Variants in SFXN5 observed in about 807,000 individuals in gnomAD.
SFXN5 encodes the protein sideroflexin-5.
SFXN5 carries 43 observed loss-of-function variants against 50.2 expected under a neutral mutation model. The ratio of observed to expected loss-of-function variants is 0.86; its 90% confidence interval spans 0.67 to 1.11. SFXN5 has a LOEUF of 1.11. Among genes scored for constraint, SFXN5 ranks in the 50% least tolerant of loss-of-function variants. The pLI, the probability that SFXN5 is intolerant of heterozygous loss-of-function variation, is 0.00. For missense variants in SFXN5, 463 were observed against 454.1 expected (o/e 1.02, Z -0.18); for synonymous variants, 203 against 185.8 (o/e 1.09, Z -0.75).
Position 73,040,868 on chromosome 2 carries a change from C to A in SFXN5, c.235G>T (p.Val79Phe). The part of the protein sequence containing the change: ...DYKHGTLRPG[V>F]TNEQLWSAQK... ...CACAGAGTTACCTGTTCATTGGTGA[C>A]CCCCGGGCGCAGGGTCCCATGCTTA... is the stretch of plus-strand genomic sequence containing the variant. Residue 79 changes from valine to phenylalanine, a missense_variant, in exon 3 of 14, where the codon GTC becomes TTC. Transcript: ENST00000272433. The A allele has an allele frequency of 6.2e-7, 1 of 1,611,578 alleles. No individual in the cohort carries two copies. Among genetic ancestry groups the A allele is most frequent in the African/African-American group, 1.3e-5 (1 of 74,990 alleles).
chr2:73,049,963 G>T (rs1209513329), intron 2 of SFXN5: 1 of 140,542 alleles, frequency 7.1e-6, no homozygotes, highest in Non-Finnish European at 1.5e-5. Flanking sequence ...CTTCCAAAAG[G>T]GAGAAATACG....
In SFXN5 at chr2:72,949,905, G is replaced by A. The variant is rs573495453; in HGVS notation, c.946-4806C>T. 5.9e-5 allele frequency among the ~76,000 whole-genome samples: 9 copies of A among 152,172 alleles called. No homozygotes were observed. The South Asian group carries it at 6.2e-4, about 11-fold the overall frequency. ...TGGGGTGGCTGGTGACGCCATTCTC[G>A]GAGGGAATATGGGAGGGGATGGGCC... On this transcript the variant is annotated intron_variant, in intron 13 of 13. Coordinates refer to ENST00000272433, the MANE Select transcript of SFXN5 (RefSeq NM_144579.3).
At chr2:73,016,097 T>G (rs187646601) in intron 6 of SFXN5, among the ~76,000 whole-genome samples, 7 of 152,354 alleles carry the variant, frequency 4.6e-5, no homozygotes, top group Admixed American at 3.9e-4. Flanking sequence ...ACTGCATCTA[T>G]AATTATTGTA....
intron 10 of SFXN5, among the ~76,000 whole-genome samples, chr2:72,977,286 T>C (rs1324120344): frequency 2.0e-5 from 3 of 152,174 alleles, no homozygotes; most frequent in Non-Finnish European, 4.4e-5. Context: ...GACTCCCTTA[T>C]TATTTAAACC....
intron 9 of SFXN5, among the ~76,000 whole-genome samples, chr2:72,995,526 C>T (rs1178796494): frequency 6.6e-6 from 1 of 152,062 alleles, no homozygotes; most frequent in African/African-American, 2.4e-5. Context: ...CTCTTCAGGG[C>T]CCCCAGAGGA....
At chr2:73,008,563 G>A (rs1287063874) in intron 6 of SFXN5, among the ~76,000 whole-genome samples, 1 of 152,224 alleles carries the variant, frequency 6.6e-6, no homozygotes, top group African/African-American at 2.4e-5. Flanking sequence ...CCAGGGCCAA[G>A]CCGGGCCCTG....
At position 72,950,226 on chromosome 2, in the gene SFXN5, C is replaced by T. The variant is rs1243190122; in HGVS notation, c.946-5127G>A. Among the ~76,000 whole-genome samples, 1 of 152,162 alleles carries T rather than the reference C, an allele frequency of 6.6e-6. No individual in the cohort carries two copies. On this transcript the variant is annotated intron_variant, in intron 13 of 13. Coordinates refer to ENST00000272433, the MANE Select transcript of SFXN5 (RefSeq NM_144579.3). The surrounding 1 kb of genome is among the most constrained non-coding windows in gnomAD (Gnocchi z 4.2). The stretch of plus-strand genomic sequence containing the variant: ...CCAGCCCGAGGAGCGAACGTAATGA[C>T]AGAGGGTGCCACAAACACTGAGCAG...
At chr2:73,054,685 AAT>A (rs1383981285) in intron 2 of SFXN5, among the ~76,000 whole-genome samples, 1 of 152,188 alleles carries the variant, frequency 6.6e-6, no homozygotes, top group African/African-American at 2.4e-5. Flanking sequence ...ACCATGTCTC[AAT>A]ATGTCTTGAA....
At position 73,071,711 on chromosome 2, in the gene SFXN5, C is replaced by A; in HGVS notation, c.-6G>T. On this transcript the variant is annotated 5_prime_UTR_variant, in exon 1 of 14. Transcript: ENST00000272433. ...GTAGTCGCTGTATCCGCCATGGCCA[C>A]TGACGCCCGCAATCTCCGGCCCTTT... is the stretch of plus-strand genomic sequence containing the variant. 1 of 1,611,288 alleles carries A rather than the reference C, an allele frequency of 6.2e-7. No individual in the cohort carries two copies. Among genetic ancestry groups the A allele is most frequent in the South Asian group, 1.1e-5 (1 of 90,860 alleles).
intron 6 of SFXN5, among the ~76,000 whole-genome samples, chr2:73,011,423 C>A (rs1385331237): frequency 6.6e-6 from 1 of 152,158 alleles, no homozygotes; most frequent in Non-Finnish European, 1.5e-5. Context: ...AAAGAGAGAT[C>A]ATTATATTTA....
intron 6 of SFXN5, among the ~76,000 whole-genome samples, chr2:73,005,922 G>A (rs1674576273): frequency 6.6e-6 from 1 of 151,734 alleles, no homozygotes; most frequent in Non-Finnish European, 1.5e-5. Flanking sequence ...ATTGCAGGGG[G>A]TGGGGGTGGG....
intron 3 of SFXN5, among the ~76,000 whole-genome samples, chr2:73,037,071 C>T (rs973461972): frequency 6.6e-6 from 1 of 152,246 alleles, no homozygotes; most frequent in African/African-American, 2.4e-5. Flanking sequence ...TTCCCATCAC[C>T]ATGCTCCAGT....
intron 3 of SFXN5, among the ~76,000 whole-genome samples, chr2:73,024,543 A>T (rs1486464355): frequency 6.6e-6 from 1 of 152,210 alleles, no homozygotes; most frequent in Non-Finnish European, 1.5e-5. Context: ...AGACCCAGCT[A>T]TTCAGTGGGC....
At chr2:72,962,233 G>A (rs1195889129) in intron 12 of SFXN5, among the ~76,000 whole-genome samples, 4 of 152,258 alleles carry the variant, frequency 2.6e-5, no homozygotes, top group African/African-American at 9.6e-5. Flanking sequence ...TAGCCTCCAA[G>A]TGACAGGCTC....
intron 12 of SFXN5, among the ~76,000 whole-genome samples, chr2:72,968,066 C>A (rs1307233171): frequency 6.6e-6 from 1 of 151,328 alleles, no homozygotes; most frequent in African/African-American, 2.4e-5. Flanking sequence ...TCAGACTCTG[C>A]CTTCACAAAT....
Position 72,973,625 on chromosome 2 carries a change from G to C in SFXN5, c.626-1940C>G, listed in dbSNP as rs1169761686. On this transcript the variant is annotated intron_variant, in intron 10 of 13. Coordinates refer to ENST00000272433, the MANE Select transcript of SFXN5 (RefSeq NM_144579.3). The surrounding 1 kb of genome is among the most constrained non-coding windows in gnomAD (Gnocchi z 5.5). Reference sequence around the variant, plus strand: ...AGATCTGGTTAGCAGGGCATGACCAGGAGGGGATGGGAGCCTGGGTTTGGG... The same window carrying C: ...AGATCTGGTTAGCAGGGCATGACCACGAGGGGATGGGAGCCTGGGTTTGGG... 6.6e-6 allele frequency among the ~76,000 whole-genome samples: 1 copy of C among 152,230 alleles called. No individual in the cohort carries two copies. The highest frequency in any genetic ancestry group is 6.5e-5 in the Admixed American group (1 of 15,288).
Position 72,953,078 on chromosome 2 carries a change from C to G in SFXN5, c.946-7979G>C, listed in dbSNP as rs1672710655. On this transcript the variant is annotated intron_variant, in intron 13 of 13. Coordinates refer to ENST00000272433, the MANE Select transcript of SFXN5 (RefSeq NM_144579.3). This position sits in a 1 kb window ranked among gnomAD's most constrained non-coding sequence, Gnocchi z 4.1. The stretch of plus-strand genomic sequence containing the variant: ...TGCCACCCGGGCATGTGTACATGTT[C>G]TTGCGTGCACGTGTATGTGTGCGAG... Among the ~76,000 whole-genome samples, 1 of 152,182 alleles carries G rather than the reference C, an allele frequency of 6.6e-6. No individual in the cohort carries two copies. Among genetic ancestry groups the G allele is most frequent in the Non-Finnish European group, 1.5e-5 (1 of 68,040 alleles).
intron 3 of SFXN5, among the ~76,000 whole-genome samples, chr2:73,028,594 A>T (rs1454628368): frequency 6.6e-6 from 1 of 152,124 alleles, no homozygotes; most frequent in East Asian, 1.9e-4. Context: ...GAGAGAGAAA[A>T]CTCAGAAAGG....
At chr2:72,980,908 CT>C (rs1271634048) in intron 10 of SFXN5, 1 of 151,990 alleles carries the variant, frequency 6.6e-6, no homozygotes, top group Non-Finnish European at 1.5e-5. Flanking sequence ...CACCTCCCCA[CT>C]TTCTCTGCCT....
Sources: allele counts gnomAD v4.1 joint callset (sites outside exome capture counted in the v4.1 genomes callset), GRCh38; gene constraint gnomAD v4.1.1; non-coding constraint Gnocchi (gnomAD v3.1); transcripts MANE v1.5; gene names NCBI Gene and HGNC (gene_info 2026-07-23, HGNC 2026-07-21).